CAMTA1: variants seen among roughly 807,000 people sequenced by gnomAD.
CAMTA1 encodes calmodulin-binding transcription activator 1.
In CAMTA1, 27 loss-of-function variants were observed where a neutral mutation model predicts 170.9. The ratio of observed to expected loss-of-function variants is 0.16; its 90% CI spans 0.12 to 0.22. The LOEUF (loss-of-function observed/expected upper bound fraction) is 0.22. Among genes scored for constraint, CAMTA1 ranks in the 10% least tolerant of loss-of-function variants. CAMTA1 has a pLI of 1.00. For missense variants in CAMTA1, 1,619 were observed against 2,217.2 expected, an observed-to-expected ratio of 0.73 and a Z score of 5.42; for synonymous variants, 833 against 891.5, an observed-to-expected ratio of 0.93 and a Z score of 1.17.
intron 4 of CAMTA1, among the ~76,000 whole-genome samples, chr1:7,241,462 A>G (rs1664844591): frequency 6.6e-6 from 1 of 152,250 alleles, no homozygotes; most frequent in Non-Finnish European, 1.5e-5. Flanking sequence ...TAAAATATAT[A>G]TGGAAATACA....
At chr1:7,494,948 C>G (rs75024805) in intron 6 of CAMTA1, among the ~76,000 whole-genome samples, 1 of 152,158 alleles carries the variant, frequency 6.6e-6, no homozygotes, top group Non-Finnish European at 1.5e-5. Flanking sequence ...CTGTTCTCTA[C>G]GCCCTCAGAC....
chr1:7,041,109 T>A lies in CAMTA1; in HGVS notation c.235-50195T>A, dbSNP rs74711784. ...CTGGCATTTTGGAGGAGCAGGGAAA[T>A]GAGATAAAGCTGCAAAATGACTCCC... On this transcript the variant is annotated intron_variant, in intron 3 of 22. Coordinates refer to ENST00000303635, the MANE Select transcript of CAMTA1 (RefSeq NM_015215.4). The surrounding 1 kb of genome is among the most constrained non-coding windows in gnomAD (Gnocchi z 5.1). Among the ~76,000 whole-genome samples the A allele has an allele frequency of 0.043, 6,470 of 152,090 alleles. 213 individuals are homozygous for A. Among genetic ancestry groups the A allele is most frequent in the African/African-American group, 0.092 (3,799 of 41,484 alleles).
chr1:7,510,398 C>T lies in CAMTA1; in HGVS notation c.510+42497C>T, dbSNP rs1316312631. On this transcript the variant is annotated intron_variant, in intron 6 of 22. Coordinates refer to ENST00000303635, the MANE Select transcript of CAMTA1 (RefSeq NM_015215.4). ...CCTCTGACACCTGCTGGCATTGATG[C>T]ACCTTGCTTCGCCCCTGGGGGCTCA... 3.4e-5 allele frequency among the ~76,000 whole-genome samples: 5 copies of T among 145,740 alleles called. 1 individual carries two copies. Among genetic ancestry groups the T allele is most frequent in the Non-Finnish European group, 6.2e-5 (4 of 65,000 alleles).
At chr1:6,998,118 C>T (rs776173172) in intron 3 of CAMTA1, among the ~76,000 whole-genome samples, 3 of 152,042 alleles carry the variant, frequency 2.0e-5, no homozygotes, top group Non-Finnish European at 1.5e-5. Context: ...CGCTCTGTCA[C>T]CCAGGCTGGA....
Position 6,818,291 on chromosome 1 carries a change from C to T in CAMTA1, c.46-1890C>T, listed in dbSNP as rs1047111345. 6.6e-5 allele frequency among the ~76,000 whole-genome samples: 10 copies of T among 152,296 alleles called. No homozygotes were observed. In the East Asian group the frequency reaches 1.7e-3, roughly 26 times the overall value. The stretch of plus-strand genomic sequence containing the variant: ...GGCAGAGGTTGCACTGAGCTGAGAT[C>T]CCACCACTACACTCCAGTCTGGGCA... On this transcript the variant is annotated intron_variant, in intron 1 of 22. Coordinates refer to ENST00000303635, the MANE Select transcript of CAMTA1 (RefSeq NM_015215.4).
chr1:7,755,549 T>C, intron 21 of CAMTA1, 89 bp from the exon 22 acceptor site: 3 of 1,025,462 alleles, frequency 2.9e-6, no homozygotes, highest in Non-Finnish European at 4.6e-6. Context: ...CATGTTATAT[T>C]CTTTTTTGTT....
intron 5 of CAMTA1, among the ~76,000 whole-genome samples, chr1:7,365,965 A>T (rs1207502287): frequency 6.6e-6 from 1 of 152,130 alleles, no homozygotes; most frequent in African/African-American, 2.4e-5. Flanking sequence ...GGTGTCCTCT[A>T]TGGCCCTCTG....
rs1044907608 is a variant in CAMTA1, at chr1:7,736,446, T to C, written c.3169T>C (p.Leu1057=). ...SRACWAKSKH[L]IHSKTFRGMT... is the part of the protein sequence containing the mutation. The stretch of plus-strand genomic sequence containing the variant: ...AGCCTGCTGGGCGAAGTCCAAGCAC[T>C]TGATCCACTCAAAGACTTTCCGCGG... Residue 1057 remains leucine, a synonymous_variant, in exon 13 of 23, where the codon TTG becomes CTG. Coordinates refer to ENST00000303635, the MANE Select transcript of CAMTA1 (RefSeq NM_015215.4). The surrounding 1 kb of genome is among the most constrained non-coding windows in gnomAD (Gnocchi z 4.5). 4.3e-6 allele frequency: 7 copies of C among 1,614,120 alleles called. No individual in the cohort carries two copies. The highest frequency in any genetic ancestry group is 5.9e-6 in the Non-Finnish European group (7 of 1,180,024).
chr1:7,340,811 T>A (rs1454699016), intron 5 of CAMTA1, among the ~76,000 whole-genome samples: 1 of 151,950 alleles, frequency 6.6e-6, no homozygotes, highest in Non-Finnish European at 1.5e-5. Context: ...GAGCCTACTC[T>A]GCACCAAACA....
At chr1:6,786,447 T>G (rs923248776) in intron 1 of CAMTA1, among the ~76,000 whole-genome samples, 1 of 152,150 alleles carries the variant, frequency 6.6e-6, no homozygotes, top group African/African-American at 2.4e-5. Flanking sequence ...GTCCGTCTGA[T>G]CTGCTCATCT....
At chr1:7,340,568 T>TCCCTC (rs1300387285) in intron 5 of CAMTA1, among the ~76,000 whole-genome samples, 23 of 17,900 alleles carry the variant, frequency 1.3e-3, no homozygotes, top group African/African-American at 4.2e-3. Context: ...CTCCCTCCCT[T>TCCCTC]CCTTCCTTCC....
intron 5 of CAMTA1, among the ~76,000 whole-genome samples, chr1:7,402,452 A>T (rs190925059): frequency 4.8e-4 from 73 of 152,346 alleles, no homozygotes; most frequent in Non-Finnish European, 7.8e-4. Context: ...CATGATAGGC[A>T]GCACTGTCCC....
chr1:7,123,532 C>T (rs1272248906), intron 4 of CAMTA1, among the ~76,000 whole-genome samples: 1 of 152,192 alleles, frequency 6.6e-6, no homozygotes, highest in African/African-American at 2.4e-5. Context: ...CCTCTCCACA[C>T]CTGCTCTCTG....
intron 5 of CAMTA1, among the ~76,000 whole-genome samples, chr1:7,450,990 C>G (rs567406020): frequency 1.3e-5 from 2 of 152,144 alleles, no homozygotes; most frequent in African/African-American, 4.8e-5. Context: ...GGTGTTAGCT[C>G]GGGAGAAGCA....
intron 3 of CAMTA1, among the ~76,000 whole-genome samples, chr1:6,898,657 C>G (rs1676183565): frequency 6.6e-6 from 1 of 152,178 alleles, no homozygotes; most frequent in Non-Finnish European, 1.5e-5. Context: ...AACAGTTATC[C>G]TGGGTGGAGT....
intron 4 of CAMTA1, among the ~76,000 whole-genome samples, chr1:7,168,552 A>G (rs902691222): frequency 1.3e-5 from 2 of 152,056 alleles, no homozygotes; most frequent in Non-Finnish European, 2.9e-5. Context: ...ACAGGCGTGC[A>G]CCACCACACC....
intron 6 of CAMTA1, among the ~76,000 whole-genome samples, chr1:7,536,669 G>C (rs1557878860): frequency 6.6e-6 from 1 of 152,290 alleles, no homozygotes; most frequent in East Asian, 1.9e-4. Context: ...TGTGTGAAGG[G>C]CTGCCTCCAT....
intron 6 of CAMTA1, among the ~76,000 whole-genome samples, chr1:7,499,927 G>A (rs2093953765): frequency 7.1e-6 from 1 of 140,100 alleles, no homozygotes; most frequent in Admixed American, 7.0e-5. Flanking sequence ...GCATGAGTGA[G>A]TGTGCAGAGA....
chr1:7,194,632 G>T (rs1655173623), intron 4 of CAMTA1, among the ~76,000 whole-genome samples: 1 of 152,166 alleles, frequency 6.6e-6, no homozygotes, highest in Admixed American at 6.5e-5. Context: ...AGCGATACTT[G>T]GAGGATTTCT....
Sources: gnomAD v4.1 joint callset for allele counts (sites outside exome capture counted in the v4.1 genomes callset) on GRCh38, gnomAD v4.1.1 for gene constraint, Gnocchi (gnomAD v3.1) non-coding constraint, MANE v1.5 for transcripts, NCBI Gene and HGNC (gene_info 2026-07-23, HGNC 2026-07-21) for gene names.